The following ZFP1 variants were observed in gnomAD, a reference collection of about 807,000 sequenced individuals.
The protein encoded by ZFP1 is ZFP1 zinc finger protein.
ZFP1 carries 32 observed loss-of-function variants against 38.5 expected under a neutral mutation model. The observed-to-expected ratio is 0.83, with a 90% CI of 0.63 to 1.12. The LOEUF (loss-of-function observed/expected upper bound fraction) is 1.12. Among genes scored for constraint, ZFP1 ranks in the 50% most tolerant of loss-of-function variants. The probability of loss-of-function intolerance (pLI) is 0.00; values close to 1 mark genes in which losing one functional copy is unlikely to be tolerated. For missense variants in ZFP1, 616 were observed against 480.8 expected, an observed-to-expected ratio of 1.28 and a Z score of -2.63; for synonymous variants, 245 against 168.8, an observed-to-expected ratio of 1.45 and a Z score of -3.50.
chr16:75,131,729 C>T, the ZFP1 span, among the ~76,000 whole-genome samples: 2 of 152,202 alleles, frequency 1.3e-5, no homozygotes, highest in East Asian at 1.9e-4. Context: ...TTTGGGAGGC[C>T]GAAGTGGGTG....
chr16:75,170,067 G>C lies in ZFP1; in HGVS notation c.957G>C (p.Thr319=). The change falls in exon 4 of 4, where the codon ACG becomes ACC. Residue 319 remains threonine, a synonymous_variant. Coordinates refer to ENST00000570010, the MANE Select transcript of ZFP1 (RefSeq NM_153688.4). ...SNLIIHQKIH[T]GEKRYECSEC... is the part of the protein sequence containing the mutation. ...TTATCATACATCAGAAGATTCACAC[G>C]GGGGAGAAACGCTATGAGTGCAGTG... The C allele has an allele frequency of 6.2e-7, 1 of 1,614,074 alleles. No individual in the cohort carries two copies. Among genetic ancestry groups the C allele is most frequent in the Non-Finnish European group, 8.5e-7 (1 of 1,180,000 alleles).
the ZFP1 span, among the ~76,000 whole-genome samples, chr16:75,142,668 C>A: frequency 6.6e-6 from 1 of 152,300 alleles, no homozygotes; most frequent in East Asian, 1.9e-4. Context: ...CCTCATATTG[C>A]AATTCTTGCT....
chr16:75,147,163 G>C (rs912593659), upstream of ZFP1, among the ~76,000 whole-genome samples: 18 of 152,246 alleles, frequency 1.2e-4, no homozygotes, highest in African/African-American at 4.3e-4. Flanking sequence ...TGATTTTTTG[G>C]GGGGCAGTGA....
the ZFP1 span, among the ~76,000 whole-genome samples, chr16:75,123,633 A>G: frequency 1.3e-5 from 2 of 150,530 alleles, no homozygotes; most frequent in African/African-American, 2.4e-5. Flanking sequence ...GCATGCCACC[A>G]TGTCTGGCTA....
the ZFP1 span, among the ~76,000 whole-genome samples, chr16:75,128,517 C>CTA: frequency 3.9e-5 from 6 of 152,176 alleles, no homozygotes; most frequent in African/African-American, 1.4e-4. Context: ...ACTATAGTAA[C>CTA]ACTCATTGTT....
chr16:75,127,642 G>A, the ZFP1 span, among the ~76,000 whole-genome samples: 1,029 of 152,176 alleles, frequency 6.8e-3, 11 homozygotes, highest in African/African-American at 0.024. Flanking sequence ...CTTGAATGCA[G>A]GTTTCTGATA....
chr16:75,155,197 C>T (rs1567526445), intron 2 of ZFP1, among the ~76,000 whole-genome samples: 1 of 152,214 alleles, frequency 6.6e-6, no homozygotes, highest in Non-Finnish European at 1.5e-5. Context: ...GTGATGTGAA[C>T]ACGGTTTACT....
chr16:75,170,638 C>G lies in ZFP1; in HGVS notation c.*304C>G, dbSNP rs1248910247. 3.9e-6 allele frequency: 1 copy of G among 256,968 alleles called. No individual in the cohort carries two copies. The highest frequency in any genetic ancestry group is 7.3e-6 in the Non-Finnish European group (1 of 136,160). 15.9% of individuals were successfully genotyped at this position (256,968 alleles called of 1,614,324 possible). ...GACAGCAGCATAAGAAATATACAAA[C>G]AGTATCCTATGAATTTAGTGGTTTT... On this transcript the variant is annotated 3_prime_UTR_variant, in exon 4 of 4. Transcript: ENST00000570010.
In ZFP1 at chr16:75,169,982, C is replaced by G; in HGVS notation, c.872C>G (p.Thr291Arg). The part of the protein sequence containing the change: ...FELTTHQRIH[T>R]GERPYECNEC... ...CTCACCACACACCAGAGAATTCATA[C>G]AGGAGAGCGACCCTATGAGTGTAAC... is the stretch of plus-strand genomic sequence containing the variant. Residue 291 changes from threonine (T) to arginine (R), a missense_variant, in exon 4 of 4, where the codon ACA (threonine) becomes AGA (arginine). By Grantham distance (71) the Thr-to-Arg change is moderately conservative (BLOSUM62 -1). Coordinates refer to ENST00000570010, the MANE Select transcript of ZFP1 (RefSeq NM_153688.4). 1.2e-6 allele frequency: 2 copies of G among 1,614,176 alleles called. No individual in the cohort carries two copies. The highest frequency in any genetic ancestry group is 4.5e-5 in the East Asian group (2 of 44,888).
chr16:75,166,069 T>C (rs1008329316), intron 2 of ZFP1, among the ~76,000 whole-genome samples: 6 of 152,204 alleles, frequency 3.9e-5, no homozygotes, highest in African/African-American at 1.4e-4. Context: ...TCCTTACTTG[T>C]ACCTGGTATT....
the ZFP1 span, among the ~76,000 whole-genome samples, chr16:75,129,723 A>G: frequency 0.024 from 3,723 of 152,318 alleles, 53 homozygotes; most frequent in Non-Finnish European, 0.037. Context: ...CCTTGGGCAC[A>G]TGTCACCAAG....
chr16:75,142,824 C>T, the ZFP1 span, among the ~76,000 whole-genome samples: 2 of 151,926 alleles, frequency 1.3e-5, no homozygotes, highest in Non-Finnish European at 2.9e-5. Context: ...GCCTCAGCCT[C>T]CCAAGTATCT....
the ZFP1 span, among the ~76,000 whole-genome samples, chr16:75,135,434 C>T: frequency 6.6e-6 from 1 of 152,158 alleles, no homozygotes. Flanking sequence ...ATCCACATGA[C>T]ATTCTGGAAA....
chr16:75,142,771 C>T, the ZFP1 span, among the ~76,000 whole-genome samples: 1 of 152,056 alleles, frequency 6.6e-6, no homozygotes, highest in Admixed American at 6.6e-5. Flanking sequence ...GGTGCGATCT[C>T]AGCTCACTGC....
chr16:75,125,126 G>A, the ZFP1 span, among the ~76,000 whole-genome samples: 1 of 151,948 alleles, frequency 6.6e-6, no homozygotes, highest in African/African-American at 2.4e-5. Context: ...AGGCATGGTG[G>A]CACGCACCTG....
chr16:75,137,833 T>C, the ZFP1 span, among the ~76,000 whole-genome samples: 1 of 151,470 alleles, frequency 6.6e-6, no homozygotes, highest in Non-Finnish European at 1.5e-5. Context: ...AGCCCAGGAG[T>C]TGCAGGGAGC....
At chr16:75,157,053 G>A (rs1456864627) in intron 2 of ZFP1, 1 of 152,070 alleles carries the variant, frequency 6.6e-6, no homozygotes, top group East Asian at 1.9e-4. Context: ...GAGAATCAGT[G>A]CTATTTCACC....
chr16:75,168,879 C>T (rs570581962), intron 3 of ZFP1, among the ~76,000 whole-genome samples: 2 of 152,294 alleles, frequency 1.3e-5, no homozygotes, highest in East Asian at 3.9e-4. Context: ...TGCTTACTTT[C>T]TCGGTCTCTG....
At chr16:75,160,585 G>C (rs1416647896) in intron 2 of ZFP1, among the ~76,000 whole-genome samples, 1 of 151,324 alleles carries the variant, frequency 6.6e-6, no homozygotes, top group African/African-American at 2.4e-5. Flanking sequence ...CTTGAACCTG[G>C]AAGGTGGAGG....
Sources: allele counts gnomAD v4.1 joint callset (sites outside exome capture counted in the v4.1 genomes callset), GRCh38; gene constraint gnomAD v4.1.1; transcripts MANE v1.5; gene names NCBI Gene and HGNC (gene_info 2026-07-23, HGNC 2026-07-21).